CDRT4: variants seen among roughly 807,000 people sequenced by gnomAD.
The protein encoded by CDRT4 is CMT1A duplicated region transcript 4 protein.
For synonymous variants in CDRT4, 64 were observed against 69.6 expected, an observed-to-expected ratio of 0.92 and a Z score of 0.40; for missense variants, 167 against 193.1, an observed-to-expected ratio of 0.87 and a Z score of 0.80.
At chr17:15,440,356 G>C (rs1367117309) in intron 2 of CDRT4, 71 bp from the exon 3 acceptor site, 10 of 1,550,472 alleles carry the variant, frequency 6.4e-6, no homozygotes, top group Non-Finnish European at 8.7e-6. Context: ...CCCTGGGTGG[G>C]GGTGGTTCTA....
intron 3 of CDRT4, among the ~76,000 whole-genome samples, chr17:15,438,483 C>T (rs1978608024): frequency 6.6e-6 from 1 of 152,140 alleles, no homozygotes. Context: ...TACCCCTGAA[C>T]TTCTATTTTT....
intron 1 of CDRT4, among the ~76,000 whole-genome samples, chr17:15,462,932 C>T (rs1362266973): frequency 6.6e-6 from 1 of 152,090 alleles, no homozygotes; most frequent in Non-Finnish European, 1.5e-5. Flanking sequence ...AAGATGTAAG[C>T]TGTATGCCTC....
chr17:15,443,332 T>C (rs1978858913), intron 2 of CDRT4, among the ~76,000 whole-genome samples: 1 of 150,294 alleles, frequency 6.7e-6, no homozygotes, highest in Non-Finnish European at 1.5e-5. Context: ...CAGGCTGGAG[T>C]GTAGTGGCAC....
chr17:15,449,376 C>T (rs554933934), intron 2 of CDRT4, among the ~76,000 whole-genome samples: 1 of 152,330 alleles, frequency 6.6e-6, no homozygotes, highest in South Asian at 2.1e-4. Flanking sequence ...CAAGGTCACA[C>T]AACAATTAGG....
chr17:15,456,861 G>A (rs1342008714), intron 1 of CDRT4, among the ~76,000 whole-genome samples: 1 of 152,106 alleles, frequency 6.6e-6, no homozygotes, highest in African/African-American at 2.4e-5. Flanking sequence ...CCCAAAGAGT[G>A]CCTTTAATTT....
intron 2 of CDRT4, among the ~76,000 whole-genome samples, chr17:15,446,047 A>G (rs1329683826): frequency 6.6e-6 from 1 of 152,170 alleles, no homozygotes; most frequent in Non-Finnish European, 1.5e-5. Flanking sequence ...CACTAAAGCC[A>G]GAAGTGTCTT....
intron 2 of CDRT4, among the ~76,000 whole-genome samples, chr17:15,452,070 A>C (rs1446710254): frequency 6.6e-6 from 1 of 152,226 alleles, no homozygotes; most frequent in Admixed American, 6.5e-5. Flanking sequence ...ACAAATGAAA[A>C]ACACAGACTG....
At chr17:15,465,833 G>A (rs1038111476) in intron 1 of CDRT4, among the ~76,000 whole-genome samples, 1 of 151,160 alleles carries the variant, frequency 6.6e-6, no homozygotes, top group Non-Finnish European at 1.5e-5. Flanking sequence ...CCACCGTGGG[G>A]AGGACATGCA....
chr17:15,438,866 G>A (rs190939796), intron 3 of CDRT4, among the ~76,000 whole-genome samples: 2 of 152,244 alleles, frequency 1.3e-5, no homozygotes, highest in Non-Finnish European at 2.9e-5. Flanking sequence ...AATAGAGGAC[G>A]AAACTGAGGC....
At chr17:15,462,901 G>C (rs190659498) in intron 1 of CDRT4, among the ~76,000 whole-genome samples, 14 of 152,240 alleles carry the variant, frequency 9.2e-5, no homozygotes, top group Admixed American at 8.5e-4. Context: ...GTTACTGAGT[G>C]TTCACTTTAG....
At chr17:15,461,862 T>C (rs905821539) in intron 1 of CDRT4, among the ~76,000 whole-genome samples, 4 of 152,168 alleles carry the variant, frequency 2.6e-5, no homozygotes, top group African/African-American at 9.7e-5. Context: ...TAGGCATTAC[T>C]GAAGGGATGA....
At position 15,436,648 on chromosome 17, in the gene CDRT4, G is replaced by A. The variant is rs1299430854; in HGVS notation, c.*1125C>T. On this transcript the variant is annotated 3_prime_UTR_variant, in exon 4 of 4. Coordinates refer to ENST00000619038, the MANE Select transcript of CDRT4 (RefSeq NM_001204477.2). ...CTCCCCCAAGCACTTGGTTCCACAA[G>A]GCAAACCCCAGAGAAGTACAGGGGA... is the stretch of plus-strand genomic sequence containing the variant. The A allele has an allele frequency of 1.3e-5, 2 of 152,230 alleles. No homozygotes were observed. The highest frequency in any genetic ancestry group is 4.8e-5 in the African/African-American group (2 of 41,444). 9.4% of individuals were successfully genotyped at this position (152,230 alleles called of 1,614,324 possible).
chr17:15,456,469 T>C (rs913694329), intron 1 of CDRT4, among the ~76,000 whole-genome samples: 1 of 152,138 alleles, frequency 6.6e-6, no homozygotes, highest in African/African-American at 2.4e-5. Flanking sequence ...TGTCAGGTTC[T>C]GTCATAGGAC....
intron 1 of CDRT4, among the ~76,000 whole-genome samples, chr17:15,466,123 G>C (rs556188764): frequency 7.2e-5 from 11 of 152,288 alleles, no homozygotes; most frequent in Non-Finnish European, 1.3e-4. Context: ...TGGGACCCAG[G>C]TCAGCTCCCT....
intron 2 of CDRT4, among the ~76,000 whole-genome samples, chr17:15,442,256 C>A (rs1978798030): frequency 6.6e-6 from 1 of 151,768 alleles, no homozygotes; most frequent in East Asian, 1.9e-4. Context: ...ACTAAATATA[C>A]AAAATTAGCT....
At chr17:15,454,151 C>T (rs1208539796) in intron 1 of CDRT4, among the ~76,000 whole-genome samples, 5 of 152,110 alleles carry the variant, frequency 3.3e-5, no homozygotes, top group Non-Finnish European at 7.4e-5. Context: ...GCTCAGGGGA[C>T]CCTTCAACAC....
At chr17:15,444,281 T>C (rs927683296) in intron 2 of CDRT4, 1 of 504,022 alleles carries the variant, frequency 2.0e-6, no homozygotes, top group Non-Finnish European at 3.5e-6. Flanking sequence ...AAAAGACCTA[T>C]TGATTTGGAA....
At chr17:15,458,773 G>A (rs1377258513) in intron 1 of CDRT4, among the ~76,000 whole-genome samples, 1 of 152,260 alleles carries the variant, frequency 6.6e-6, no homozygotes, top group African/African-American at 2.4e-5. Flanking sequence ...CTGCTGTGGG[G>A]GAGCCTGTAT....
intron 1 of CDRT4, among the ~76,000 whole-genome samples, chr17:15,462,377 G>A (rs533977147): frequency 1.3e-4 from 17 of 134,412 alleles, no homozygotes; most frequent in African/African-American, 2.0e-4. Context: ...GCAGTGAGCC[G>A]AGATCACACC....
Sources: gnomAD v4.1 joint callset for allele counts (sites outside exome capture counted in the v4.1 genomes callset) on GRCh38, gnomAD v4.1.1 for gene constraint, MANE v1.5 for transcripts, NCBI Gene and HGNC (gene_info 2026-07-23, HGNC 2026-07-21) for gene names.